Variants in MSRA observed in about 807,000 individuals in gnomAD.
MSRA encodes the protein mitochondrial peptide methionine sulfoxide reductase.
A neutral mutation model predicts 31.3 loss-of-function variants in MSRA; 54 were observed. The observed-to-expected ratio is 1.73, with a 90% CI of 1.39 to 2.17. MSRA has a LOEUF of 2.17. Among genes scored for constraint, MSRA ranks in the 30% most tolerant of loss-of-function variants. MSRA has a pLI of 0.00. For synonymous variants in MSRA, 169 were observed against 116.5 expected (o/e 1.45, Z -2.90); for missense variants, 507 against 300.9 (o/e 1.69, Z -5.07).
chr8:10,246,983 A>T (rs941424074), intron 3 of MSRA, among the ~76,000 whole-genome samples: 1 of 152,196 alleles, frequency 6.6e-6, no homozygotes, highest in Non-Finnish European at 1.5e-5. Context: ...GGCCTAAGAG[A>T]AAAAGGTTGC....
Position 10,428,198 on chromosome 8 carries a change from A to G in MSRA, c.594A>G (p.Gly198=). 1 of 1,614,090 alleles carries G rather than the reference A, an allele frequency of 6.2e-7. No homozygotes were observed. Among genetic ancestry groups the G allele is most frequent in the Non-Finnish European group, 8.5e-7 (1 of 1,179,990 alleles). Residue 198 remains glycine, a synonymous_variant, in exon 6 of 6, where the codon GGA becomes GGG. Coordinates refer to ENST00000317173, the MANE Select transcript of MSRA (RefSeq NM_012331.5). ...FGPITTDIRE[G]QTFYYAEDYH... is the part of the protein sequence containing the mutation. ...CCATCACTACCGACATCCGGGAGGG[A>G]CAGACTTTCTACTATGCGGAAGACT...
chr8:10,278,630 C>A (rs1297447939), intron 3 of MSRA, among the ~76,000 whole-genome samples: 1 of 152,192 alleles, frequency 6.6e-6, no homozygotes, highest in Non-Finnish European at 1.5e-5. Context: ...CTTGGGAGAC[C>A]TCACCTGCAT....
chr8:10,338,574 T>A (rs968671127), intron 5 of MSRA, among the ~76,000 whole-genome samples: 4 of 152,234 alleles, frequency 2.6e-5, no homozygotes, highest in African/African-American at 9.6e-5. Flanking sequence ...ATTGTATGCA[T>A]ATATTAAAAC....
At chr8:10,241,925 T>C in intron 2 of MSRA, among the ~76,000 whole-genome samples, 1 of 152,176 alleles carries the variant, frequency 6.6e-6, no homozygotes, top group East Asian at 1.9e-4. Flanking sequence ...TAGACTGTGA[T>C]CTTCAAGGGA....
intron 1 of MSRA, among the ~76,000 whole-genome samples, chr8:10,113,289 C>CTTTTTTTTTT (rs1467440154): frequency 0.06 from 3,055 of 50,698 alleles, 1,179 homozygotes; most frequent in East Asian, 0.25. Context: ...GAAGACAGGT[C>CTTTTTTTTTT]TTCTTTTTTT....
intron 5 of MSRA, among the ~76,000 whole-genome samples, chr8:10,339,083 C>G (rs1380155343): frequency 6.6e-6 from 1 of 152,082 alleles, no homozygotes; most frequent in Non-Finnish European, 1.5e-5. Flanking sequence ...TCTTATGAAC[C>G]TTGACTGCAG....
chr8:10,277,768 ATC>A (rs1356472920), intron 3 of MSRA, among the ~76,000 whole-genome samples: 1 of 152,164 alleles, frequency 6.6e-6, no homozygotes, highest in Non-Finnish European at 1.5e-5. Flanking sequence ...TTGTATTCAG[ATC>A]TCTTTATAAT....
At chr8:10,249,390 G>T (rs1327264906) in intron 3 of MSRA, among the ~76,000 whole-genome samples, 1 of 152,188 alleles carries the variant, frequency 6.6e-6, no homozygotes, top group Non-Finnish European at 1.5e-5. Context: ...GTTTTGGTCG[G>T]ACCTCCATGA....
At position 10,219,805 on chromosome 8, in the gene MSRA, C is replaced by CAAAAAAAAAAAAAAAAAAAAAAAA. The variant is rs202000887; in HGVS notation, c.211+11904_211+11905insAAAAAAAAAAAAAAAAAAAAAAAA. Among the ~76,000 whole-genome samples, 5 of 46,072 alleles carry CAAAAAAAAAAAAAAAAAAAAAAAA rather than the reference C, an allele frequency of 1.1e-4. 1 individual carries two copies. The highest frequency in any genetic ancestry group is 8.3e-4 in the African/African-American group (5 of 5,998). The allele number at this position is 46,072 out of a possible 152,430, so 30.2% of individuals were successfully genotyped here. A position where few individuals can be genotyped will look rare whatever the true frequency, so the allele number is the denominator to read the frequency against. On this transcript the variant is annotated intron_variant, in intron 2 of 5. Coordinates refer to ENST00000317173, the MANE Select transcript of MSRA (RefSeq NM_012331.5). The stretch of plus-strand genomic sequence containing the variant: ...TGGACGACAGATCGAGACTCTGTCT[C>CAAAAAAAAAAAAAAAAAAAAAAAA]CAAAAAAAAAAAAAAAAAAAAAAGA...
At chr8:10,407,708 C>T (rs1246297286) in intron 5 of MSRA, among the ~76,000 whole-genome samples, 1 of 152,020 alleles carries the variant, frequency 6.6e-6, no homozygotes, top group Admixed American at 6.5e-5. Context: ...ACTCTGGATC[C>T]CAGGAAATGG....
rs968762731 is a variant in MSRA at position 10,120,047 on chromosome 8, C to A, written c.142+65389C>A. Among the ~76,000 whole-genome samples the A allele has an allele frequency of 2.0e-5, 3 of 152,232 alleles. No individual in the cohort carries two copies. The East Asian group carries it at 5.8e-4, about 29-fold the overall frequency. On this transcript the variant is annotated intron_variant, in intron 1 of 5. Transcript: ENST00000317173. ...GCCCTTTAGTAGAGGAACTCAGCCACTGCCAAACTGTGGAAAGAGGGCTGG... is the reference window on the plus strand; with the variant it reads ...GCCCTTTAGTAGAGGAACTCAGCCAATGCCAAACTGTGGAAAGAGGGCTGG...
At chr8:10,152,050 A>C (rs918121192) in intron 1 of MSRA, among the ~76,000 whole-genome samples, 1 of 152,202 alleles carries the variant, frequency 6.6e-6, no homozygotes, top group Non-Finnish European at 1.5e-5. Flanking sequence ...CAATGTGTAC[A>C]CACCTCCACT....
At chr8:10,253,070 G>A (rs4404920) in intron 3 of MSRA, among the ~76,000 whole-genome samples, 80,015 of 151,994 alleles carry the variant, frequency 0.53, 22,747 homozygotes, top group Non-Finnish European at 0.64. Context: ...ATCAGAGAGG[G>A]TGAGGATTTT....
chr8:10,115,824 A>T (rs929562352), intron 1 of MSRA, among the ~76,000 whole-genome samples: 1 of 152,240 alleles, frequency 6.6e-6, no homozygotes. Context: ...GACACAGTCC[A>T]CACTCAATGA....
chr8:10,218,114 C>T (rs541444100), intron 2 of MSRA, among the ~76,000 whole-genome samples: 6 of 138,798 alleles, frequency 4.3e-5, no homozygotes, highest in African/African-American at 1.3e-4. Flanking sequence ...GGTTCCTTTT[C>T]TATTTATTTA....
chr8:10,158,842 C>G (rs2129041023), intron 1 of MSRA, among the ~76,000 whole-genome samples: 1 of 152,270 alleles, frequency 6.6e-6, no homozygotes, highest in East Asian at 1.9e-4. Context: ...ATTTTTCAGT[C>G]CCACCTGCAG....
Position 10,403,321 on chromosome 8 carries a change from C to A in MSRA, c.544-24827C>A, listed in dbSNP as rs145471708. Among the ~76,000 whole-genome samples the A allele has an allele frequency of 1.2e-4, 19 of 152,274 alleles. 1 individual carries two copies. The highest frequency in any genetic ancestry group is 3.3e-4 in the Admixed American group (5 of 15,296). On this transcript the variant is annotated intron_variant, in intron 5 of 5. Coordinates refer to ENST00000317173, the MANE Select transcript of MSRA (RefSeq NM_012331.5). The stretch of plus-strand genomic sequence containing the variant: ...AGAAAAATGACATCAACCCAGCCAA[C>A]GAGAAAAAGCCCTGTCGTGCTGTGT...
intron 5 of MSRA, among the ~76,000 whole-genome samples, chr8:10,412,735 C>T (rs1353312284): frequency 6.6e-6 from 1 of 152,166 alleles, no homozygotes; most frequent in Admixed American, 6.5e-5. Flanking sequence ...CATCATTAGT[C>T]ATTGGAGAAA....
At chr8:10,255,020 G>T (rs1469512518) in intron 3 of MSRA, among the ~76,000 whole-genome samples, 1 of 152,198 alleles carries the variant, frequency 6.6e-6, no homozygotes, top group East Asian at 1.9e-4. Flanking sequence ...CAAAAATTTT[G>T]CACAGAAGTC....
Sources: gnomAD v4.1 joint callset for allele counts (sites outside exome capture counted in the v4.1 genomes callset) on GRCh38, gnomAD v4.1.1 for gene constraint, MANE v1.5 for transcripts, NCBI Gene and HGNC (gene_info 2026-07-23, HGNC 2026-07-21) for gene names.